CNTNAP4: variants seen among roughly 807,000 people sequenced by gnomAD.
CNTNAP4 encodes contactin-associated protein-like 4.
In CNTNAP4, 98 loss-of-function variants were observed where a neutral mutation model predicts 148.4. The ratio of observed to expected loss-of-function variants is 0.66; its 90% CI spans 0.56 to 0.78. The LOEUF (loss-of-function observed/expected upper bound fraction) is 0.78. Among genes scored for constraint, CNTNAP4 ranks in the 30% least tolerant of loss-of-function variants. The pLI, the probability that CNTNAP4 is intolerant of heterozygous loss-of-function variation, is 0.00. For missense variants in CNTNAP4, 1,935 were observed against 1,565.6 expected (o/e 1.24, Z -3.98); for synonymous variants, 730 against 565.1 (o/e 1.29, Z -4.14).
At chr16:76,472,892 C>G (rs1279034446) in intron 10 of CNTNAP4, among the ~76,000 whole-genome samples, 2 of 152,078 alleles carry the variant, frequency 1.3e-5, no homozygotes, top group African/African-American at 2.4e-5. Context: ...ATCTGTACAA[C>G]AAACCCTCAT....
Position 76,547,073 on chromosome 16 carries a change from A to G in CNTNAP4, c.3443-6210A>G, listed in dbSNP as rs554100006. On this transcript the variant is annotated intron_variant, in intron 21 of 23. Transcript: ENST00000611870. ...GGCAGATAGTCTGATGTCATGTCTA[A>G]GTACTTTGTTCACAATGTACATAAA... is the stretch of plus-strand genomic sequence containing the variant. Among the ~76,000 whole-genome samples the G allele has an allele frequency of 3.9e-5, 6 of 152,300 alleles. No individual in the cohort carries two copies. In the South Asian group the frequency reaches 1.2e-3, roughly 32 times the overall value.
chr16:76,367,259 A>T (rs1031978925), intron 3 of CNTNAP4, among the ~76,000 whole-genome samples: 7 of 151,920 alleles, frequency 4.6e-5, no homozygotes, highest in African/African-American at 1.7e-4. Context: ...TGTTTATATC[A>T]AAATAGATTT....
chr16:76,398,088 C>G (rs1330103439), intron 3 of CNTNAP4, among the ~76,000 whole-genome samples: 1 of 148,096 alleles, frequency 6.8e-6, no homozygotes, highest in Non-Finnish European at 1.5e-5. Flanking sequence ...AGTCCCAAAG[C>G]TGAAGAACCT....
At chr16:76,363,249 G>C (rs1468569266) in intron 3 of CNTNAP4, among the ~76,000 whole-genome samples, 1 of 148,872 alleles carries the variant, frequency 6.7e-6, no homozygotes, top group African/African-American at 2.5e-5. Flanking sequence ...TGCAACTTCT[G>C]CCTCCTGGGT....
chr16:76,340,511 A>G (rs1214152307), intron 2 of CNTNAP4, among the ~76,000 whole-genome samples: 2 of 151,934 alleles, frequency 1.3e-5, no homozygotes, highest in Admixed American at 6.6e-5. Context: ...ACTTTGCCCT[A>G]TCCCTCTCCA....
intron 10 of CNTNAP4, among the ~76,000 whole-genome samples, chr16:76,473,305 A>G (rs1295134439): frequency 6.6e-6 from 1 of 152,184 alleles, no homozygotes; most frequent in Admixed American, 6.5e-5. Context: ...ACATATCTAT[A>G]TGTTTGTAGT....
intron 21 of CNTNAP4, among the ~76,000 whole-genome samples, chr16:76,552,498 T>C (rs1368468115): frequency 2.0e-5 from 3 of 152,190 alleles, no homozygotes; most frequent in Non-Finnish European, 4.4e-5. Context: ...GTTAAAATTA[T>C]AATTAATATC....
chr16:76,397,093 CAT>C (rs1367891212), intron 3 of CNTNAP4, among the ~76,000 whole-genome samples: 1 of 151,920 alleles, frequency 6.6e-6, no homozygotes, highest in African/African-American at 2.4e-5. Flanking sequence ...TTTGGGTAAA[CAT>C]GTGCACAAAG....
intron 8 of CNTNAP4, among the ~76,000 whole-genome samples, chr16:76,453,353 G>A (rs192572381): frequency 4.7e-4 from 72 of 152,230 alleles, no homozygotes; most frequent in Non-Finnish European, 8.1e-4. Context: ...TAGGCAATAC[G>A]GTATTGTTTT....
At chr16:76,445,739 T>C (rs1391327586) in intron 4 of CNTNAP4, among the ~76,000 whole-genome samples, 1 of 152,182 alleles carries the variant, frequency 6.6e-6, no homozygotes, top group African/African-American at 2.4e-5. Flanking sequence ...AAACCTTTAA[T>C]GGGAAAAATT....
At chr16:76,318,801 AATT>A (rs1057051290) in intron 2 of CNTNAP4, among the ~76,000 whole-genome samples, 31 of 149,982 alleles carry the variant, frequency 2.1e-4, no homozygotes, top group Admixed American at 1.0e-3. Context: ...AATTATGAGA[AATT>A]ATTCTCATAA....
chr16:76,512,650 A>G (rs1289987784), intron 15 of CNTNAP4, among the ~76,000 whole-genome samples: 1 of 152,184 alleles, frequency 6.6e-6, no homozygotes, highest in Non-Finnish European at 1.5e-5. Context: ...TGGAGTTGTC[A>G]GTTTTCAGCA....
intron 3 of CNTNAP4, among the ~76,000 whole-genome samples, chr16:76,371,931 T>G (rs2014868704): frequency 6.6e-6 from 1 of 152,214 alleles, no homozygotes. Context: ...GGTCCACTTT[T>G]GCCCCTCACT....
At chr16:76,365,816 G>A (rs936302417) in intron 3 of CNTNAP4, among the ~76,000 whole-genome samples, 2 of 148,488 alleles carry the variant, frequency 1.3e-5, no homozygotes, top group Non-Finnish European at 3.0e-5. Flanking sequence ...AGGTAATTCA[G>A]TAATGCTTCT....
At chr16:76,454,949 TA>T (rs1322672601) in intron 8 of CNTNAP4, among the ~76,000 whole-genome samples, 1 of 152,186 alleles carries the variant, frequency 6.6e-6, no homozygotes, top group East Asian at 1.9e-4. Context: ...AAATTAAGAT[TA>T]AATTGTATTG....
intron 3 of CNTNAP4, among the ~76,000 whole-genome samples, chr16:76,368,246 C>T (rs1159444726): frequency 6.6e-6 from 1 of 152,174 alleles, no homozygotes; most frequent in East Asian, 1.9e-4. Flanking sequence ...GAGATTAACT[C>T]TATATTCCCA....
At chr16:76,513,624 C>T (rs2083115708) in intron 15 of CNTNAP4, among the ~76,000 whole-genome samples, 1 of 152,036 alleles carries the variant, frequency 6.6e-6, no homozygotes, top group South Asian at 2.1e-4. Flanking sequence ...GAAAAATATT[C>T]AACATGCCAG....
intron 12 of CNTNAP4, 55 bp downstream of exon 12, chr16:76,479,593 G>T (rs1356033595): frequency 1.3e-6 from 2 of 1,547,730 alleles, no homozygotes; most frequent in South Asian, 1.3e-5. Flanking sequence ...TTTTAAATAG[G>T]CAAAATTAAA....
At position 76,558,848 on chromosome 16, in the gene CNTNAP4, T is replaced by G; in HGVS notation, c.*165T>G. On this transcript the variant is annotated 3_prime_UTR_variant, in exon 24 of 24. Transcript: ENST00000611870. ...GGTGGCTCCAGGAAGCCTCGTCCAG[T>G]GATATATTTCTCATAGCATTCATTC... 1 of 502,294 alleles carries G rather than the reference T, an allele frequency of 2.0e-6. No homozygotes were observed. Among genetic ancestry groups the G allele is most frequent in the Non-Finnish European group, 3.5e-6 (1 of 284,666 alleles). 31.1% of individuals were successfully genotyped at this position (502,294 alleles called of 1,614,324 possible). A position where few individuals can be genotyped will look rare whatever the true frequency, so the allele number is the denominator to read the frequency against.
Sources: allele counts gnomAD v4.1 joint callset (sites outside exome capture counted in the v4.1 genomes callset), GRCh38; gene constraint gnomAD v4.1.1; transcripts MANE v1.5; gene names NCBI Gene and HGNC (gene_info 2026-07-23, HGNC 2026-07-21).